TSHZ3: variants seen among roughly 807,000 people sequenced by gnomAD.
TSHZ3 encodes the protein teashirt homolog 3.
TSHZ3 carries 10 observed loss-of-function variants against 64.5 expected under a neutral mutation model. That is an observed-to-expected ratio of 0.16 (90% CI 0.10 to 0.26). The LOEUF (loss-of-function observed/expected upper bound fraction) is 0.26. Ranked by LOEUF, TSHZ3 falls within the 10% of genes least tolerant of loss-of-function variation. The pLI is 1.00. For synonymous variants in TSHZ3, 608 were observed against 593.1 expected (o/e 1.03, Z -0.36); for missense variants, 1,242 against 1,421.7 (o/e 0.87, Z 2.03).
At chr19:31,270,449 G>A (rs1976119503), downstream of TSHZ3, among the ~76,000 whole-genome samples, 1 of 152,136 alleles carries the variant, frequency 6.6e-6, no homozygotes, top group Non-Finnish European at 1.5e-5. Context: ...GGGATTACAG[G>A]TGCACGCCAC....
At chr19:31,246,613 G>A (rs1398321484) in intron 1 of TSHZ3, among the ~76,000 whole-genome samples, 2 of 152,078 alleles carry the variant, frequency 1.3e-5, no homozygotes, top group East Asian at 3.8e-4. Flanking sequence ...ACAGAGGAAG[G>A]GAGGAAGGGA....
intron 3 of TSHZ3, among the ~76,000 whole-genome samples, chr19:31,228,496 A>T (rs1214213942): frequency 6.7e-6 from 1 of 149,378 alleles, no homozygotes; most frequent in Admixed American, 6.7e-5. Flanking sequence ...ACTGTACTCC[A>T]GCCTGAGTGA....
In TSHZ3 at chr19:31,349,188, C is replaced by A; in HGVS notation, c.32G>T (p.Arg11Leu). MPRRKQQAPR[R>L]AAAYVSEELK... ...GGGGAAGCGGCTCGTACCTGCTGCGCGCCGGGGCGCCTGCTGCTTCCTCCT... is the reference window on the plus strand; with the variant it reads ...GGGGAAGCGGCTCGTACCTGCTGCGAGCCGGGGCGCCTGCTGCTTCCTCCT... Residue 11 changes from arginine (R) to leucine (L), a missense_variant, in exon 1 of 2, where the codon CGC (arginine) becomes CTC (leucine). By Grantham distance (102) the Arg-to-Leu change is moderately radical. Coordinates refer to ENST00000240587, the MANE Select transcript of TSHZ3 (RefSeq NM_020856.4). The A allele has an allele frequency of 6.5e-7, 1 of 1,542,242 alleles. No individual in the cohort carries two copies.
chr19:31,290,717 C>T (rs143617690), intron 1 of TSHZ3, among the ~76,000 whole-genome samples: 3 of 152,170 alleles, frequency 2.0e-5, no homozygotes, highest in East Asian at 1.9e-4. Context: ...TTCCAGGCAT[C>T]GCTGCTGGGC....
intron 1 of TSHZ3, among the ~76,000 whole-genome samples, chr19:31,339,441 C>G (rs375751672): frequency 2.4e-4 from 37 of 152,194 alleles, no homozygotes; most frequent in African/African-American, 8.9e-4. Flanking sequence ...TCCTCCCTTT[C>G]CCTCTTGCCA....
intron 1 of TSHZ3, among the ~76,000 whole-genome samples, chr19:31,268,574 C>G (rs1976088959): frequency 6.6e-6 from 1 of 152,178 alleles, no homozygotes; most frequent in African/African-American, 2.4e-5. Flanking sequence ...CACTGATCCC[C>G]CAATCCTCAT....
chr19:31,280,991 A>G (rs955420748), intron 1 of TSHZ3, among the ~76,000 whole-genome samples: 4 of 152,208 alleles, frequency 2.6e-5, no homozygotes, highest in African/African-American at 9.7e-5. Context: ...GCTAGGAACA[A>G]TTTCAAGGTA....
chr19:31,205,548 A>T (rs1171798371), intron 4 of TSHZ3, among the ~76,000 whole-genome samples: 1 of 152,180 alleles, frequency 6.6e-6, no homozygotes, highest in Non-Finnish European at 1.5e-5. Context: ...AGCAGCTTTC[A>T]TTCCTTCCTG....
chr19:31,330,524 C>G (rs1190807061), intron 1 of TSHZ3, among the ~76,000 whole-genome samples: 4 of 152,192 alleles, frequency 2.6e-5, no homozygotes, highest in Non-Finnish European at 4.4e-5. Context: ...CCTCGGTCAG[C>G]ATCGCCCCAA....
intron 3 of TSHZ3, among the ~76,000 whole-genome samples, chr19:31,235,699 C>CTTTTTTT (rs34677399): frequency 2.9e-4 from 17 of 59,570 alleles, no homozygotes; most frequent in East Asian, 4.7e-4. Context: ...TCCTCTTCTT[C>CTTTTTTT]TTTTTTTTTT....
Position 31,278,849 on chromosome 19 carries a change from T to G in TSHZ3, c.944A>C (p.Lys315Thr), listed in dbSNP as rs777071664. 6.2e-7 allele frequency: 1 copy of G among 1,613,956 alleles called. No homozygotes were observed. The highest frequency in any genetic ancestry group is 1.3e-5 in the African/African-American group (1 of 74,870). Reference sequence around the variant, plus strand: ...TTTCTTCCGAGTGGCAGGGATGATTTTGGCGGCGACAGGAGTGACGGGTTC... The same window carrying G: ...TTTCTTCCGAGTGGCAGGGATGATTGTGGCGGCGACAGGAGTGACGGGTTC... ...LKEPVTPVAA[K>T]IIPATRKKAS... Residue 315 changes from lysine to threonine, a missense_variant, in exon 2 of 2, where the codon AAA becomes ACA. Physicochemically the swap from Lys to Thr is moderately conservative, Grantham distance 78. Transcript: ENST00000240587. This position sits in a 1 kb window ranked among gnomAD's most constrained non-coding sequence, Gnocchi z 4.7.
rs752084961 is a variant in TSHZ3 at position 31,279,778 on chromosome 19, G to C, written c.41-26C>G. On this transcript the variant is annotated intron_variant, in intron 1 of 1. Transcript: ENST00000240587. This position sits in a 1 kb window ranked among gnomAD's most constrained non-coding sequence, Gnocchi z 6.4. ...CTGCCATGATAACAGGTGGGAAAGAGAGACAGGTAGGATGGAATGAAGAGA... is the reference window on the plus strand; with the variant it reads ...CTGCCATGATAACAGGTGGGAAAGACAGACAGGTAGGATGGAATGAAGAGA... The C allele has an allele frequency of 6.1e-6, 9 of 1,479,142 alleles. No homozygotes were observed. Among genetic ancestry groups the C allele is most frequent in the Middle Eastern group, 1.8e-4 (1 of 5,522 alleles). The allele number at this position is 1,479,142 out of a possible 1,614,324, so 91.6% of individuals were successfully genotyped here.
At chr19:31,331,244 G>T (rs1917082549) in intron 1 of TSHZ3, among the ~76,000 whole-genome samples, 1 of 152,126 alleles carries the variant, frequency 6.6e-6, no homozygotes, top group Non-Finnish European at 1.5e-5. Flanking sequence ...CAGAGCCTCA[G>T]GAAACATGTC....
intron 5 of TSHZ3, among the ~76,000 whole-genome samples, chr19:31,165,457 C>G (rs1360251937): frequency 6.6e-6 from 1 of 152,092 alleles, no homozygotes. Context: ...AAGACCACAA[C>G]AGGGGTGGAA....
intron 5 of TSHZ3, among the ~76,000 whole-genome samples, chr19:31,183,438 A>G (rs958966409): frequency 6.6e-6 from 1 of 152,148 alleles, no homozygotes; most frequent in African/African-American, 2.4e-5. Flanking sequence ...CTGAGTGAAG[A>G]CTACTCTGAG....
Position 31,279,564 on chromosome 19 carries a change from G to C in TSHZ3, c.229C>G (p.His77Asp). The C allele has an allele frequency of 6.2e-7, 1 of 1,610,702 alleles. No individual in the cohort carries two copies. The highest frequency in any genetic ancestry group is 8.5e-7 in the Non-Finnish European group (1 of 1,177,640). ...FSCHEMDSES[H>D]ISETSDRMAD... is the part of the protein sequence containing the mutation. ...ATTCGGTCACTGGTCTCACTGATGT[G>C]TGACTCGCTGTCCATTTCATGGCAG... Residue 77 changes from histidine (H) to aspartate (D), a missense_variant, in exon 2 of 2, where the codon CAC (histidine) becomes GAC (aspartate). By Grantham distance (81) the His-to-Asp change is moderately conservative. Around this residue, in one of 4 missense-constraint regions of TSHZ3, gnomAD observed 555 missense variants for 704.0 expected, o/e 0.79. Coordinates refer to ENST00000240587, the MANE Select transcript of TSHZ3 (RefSeq NM_020856.4). This position sits in a 1 kb window ranked among gnomAD's most constrained non-coding sequence, Gnocchi z 6.4.
At chr19:31,226,410 G>T (rs2145171943) in intron 4 of TSHZ3, among the ~76,000 whole-genome samples, 1 of 152,146 alleles carries the variant, frequency 6.6e-6, no homozygotes, top group South Asian at 2.1e-4. Flanking sequence ...TTTCATAAGG[G>T]GTTTCCTCTT....
chr19:31,161,309 A>G (rs934545400), intron 5 of TSHZ3, among the ~76,000 whole-genome samples: 2 of 152,218 alleles, frequency 1.3e-5, no homozygotes, highest in Non-Finnish European at 2.9e-5. Context: ...ACACACAACT[A>G]GAATTATATT....
At chr19:31,312,587 T>A (rs1411587274) in intron 1 of TSHZ3, among the ~76,000 whole-genome samples, 1 of 152,226 alleles carries the variant, frequency 6.6e-6, no homozygotes, top group Admixed American at 6.5e-5. Flanking sequence ...TTAACCCTTT[T>A]GGGGCTTTCA....
Sources: gnomAD v4.1 joint callset for allele counts (sites outside exome capture counted in the v4.1 genomes callset) on GRCh38, gnomAD v4.1.1 for gene constraint, gnomAD v4.1.1 regional missense constraint, Gnocchi (gnomAD v3.1) non-coding constraint, MANE v1.5 for transcripts, NCBI Gene and HGNC (gene_info 2026-07-23, HGNC 2026-07-21) for gene names.